Variants in ZMAT4 observed in about 807,000 individuals in gnomAD.
The protein encoded by ZMAT4 is zinc finger matrin-type protein 4.
In ZMAT4, 17 loss-of-function variants were observed where a neutral mutation model predicts 28.7. That is an observed-to-expected ratio of 0.59 (90% CI 0.41 to 0.89). The LOEUF (loss-of-function observed/expected upper bound fraction) is 0.89. Among genes scored for constraint, ZMAT4 ranks in the 40% least tolerant of loss-of-function variants. ZMAT4 has a pLI of 0.00. For synonymous variants in ZMAT4, 117 were observed against 109.2 expected (o/e 1.07, Z -0.44); for missense variants, 240 against 283.8 (o/e 0.85, Z 1.11).
chr8:40,731,640 G>A (rs1811547424), intron 3 of ZMAT4, among the ~76,000 whole-genome samples: 1 of 152,142 alleles, frequency 6.6e-6, no homozygotes, highest in Non-Finnish European at 1.5e-5. Flanking sequence ...AGCACCTGAT[G>A]GCAAATCTAT....
chr8:40,722,917 A>G (rs941402694), intron 3 of ZMAT4, among the ~76,000 whole-genome samples: 7 of 152,188 alleles, frequency 4.6e-5, no homozygotes, highest in Non-Finnish European at 8.8e-5. Flanking sequence ...TCTCAACACA[A>G]GAATGGCTCA....
intron 5 of ZMAT4, among the ~76,000 whole-genome samples, chr8:40,619,001 G>T (rs779155105): frequency 4.9e-4 from 75 of 152,334 alleles, no homozygotes; most frequent in Non-Finnish European, 9.0e-4. Context: ...CTCTGGGAGC[G>T]AGTGTAAAGG....
intron 5 of ZMAT4, among the ~76,000 whole-genome samples, chr8:40,597,463 G>A (rs1028897937): frequency 6.6e-6 from 1 of 152,190 alleles, no homozygotes; most frequent in Non-Finnish European, 1.5e-5. Context: ...CTGTGTGGGG[G>A]TCGCCCTCAG....
chr8:40,545,725 A>C (rs1309604121), intron 6 of ZMAT4, among the ~76,000 whole-genome samples: 1 of 152,132 alleles, frequency 6.6e-6, no homozygotes. Flanking sequence ...ACAACCTTGC[A>C]TATGCCTTGA....
chr8:40,539,423 A>G (rs1330992308), intron 6 of ZMAT4, among the ~76,000 whole-genome samples: 1 of 152,196 alleles, frequency 6.6e-6, no homozygotes, highest in Non-Finnish European at 1.5e-5. Flanking sequence ...TGTTGAAAGC[A>G]TCTATATCTC....
intron 1 of ZMAT4, among the ~76,000 whole-genome samples, chr8:40,827,806 C>A (rs1184998037): frequency 6.6e-6 from 1 of 152,214 alleles, no homozygotes; most frequent in African/African-American, 2.4e-5. Flanking sequence ...CCCCACAAGG[C>A]AACCTGTTCC....
At chr8:40,601,461 G>GA (rs1563359911) in intron 5 of ZMAT4, among the ~76,000 whole-genome samples, 3 of 54,410 alleles carry the variant, frequency 5.5e-5, no homozygotes, top group East Asian at 6.7e-4. Flanking sequence ...AGGAAGGGAG[G>GA]AAGAAAGGAA....
intron 5 of ZMAT4, among the ~76,000 whole-genome samples, chr8:40,629,114 C>A (rs1473854765): frequency 2.0e-5 from 3 of 151,198 alleles, no homozygotes; most frequent in African/African-American, 7.3e-5. Context: ...ATGATTCGAC[C>A]TCTATCTTAT....
In ZMAT4 at chr8:40,763,421, C is replaced by T. The variant is rs4129324; in HGVS notation, c.192+4220G>A. 7.1e-3 allele frequency among the ~76,000 whole-genome samples: 1,083 copies of T among 152,286 alleles called. 12 individuals are homozygous for T. The highest frequency in any genetic ancestry group is 0.025 in the African/African-American group (1,027 of 41,550). On this transcript the variant is annotated intron_variant, in intron 3 of 6. Transcript: ENST00000297737. ...AAGTGGGGACAGTGACAACTCCTGC[C>T]TTCTCCAGGGCTTGTGAAGATGAAA...
At chr8:40,822,334 T>C (rs1469900531) in intron 2 of ZMAT4, among the ~76,000 whole-genome samples, 2 of 152,240 alleles carry the variant, frequency 1.3e-5, no homozygotes, top group Non-Finnish European at 2.9e-5. Context: ...CAGTGGATTC[T>C]CACTGATTTG....
At chr8:40,667,963 G>A (rs1474952544) in intron 5 of ZMAT4, among the ~76,000 whole-genome samples, 1 of 152,112 alleles carries the variant, frequency 6.6e-6, no homozygotes, top group East Asian at 1.9e-4. Flanking sequence ...TATTGAAAAT[G>A]CAGCTTTTAT....
At chr8:40,632,452 C>A (rs573983162) in intron 5 of ZMAT4, among the ~76,000 whole-genome samples, 6 of 152,080 alleles carry the variant, frequency 3.9e-5, no homozygotes, top group African/African-American at 1.4e-4. Context: ...ATAGGGACTC[C>A]CAGAGGATAT....
At chr8:40,845,806 G>A (rs943160563) in intron 1 of ZMAT4, among the ~76,000 whole-genome samples, 1 of 70,920 alleles carries the variant, frequency 1.4e-5, no homozygotes, top group African/African-American at 3.2e-5. Context: ...AAGAGAGAGA[G>A]ACTAAGGGTG....
At chr8:40,582,879 C>T (rs1241979477) in intron 5 of ZMAT4, among the ~76,000 whole-genome samples, 2 of 152,102 alleles carry the variant, frequency 1.3e-5, no homozygotes, top group East Asian at 1.9e-4. Context: ...TTTGAGTGTC[C>T]AGTTGAAGCC....
rs201101097 is a variant in ZMAT4 at position 40,810,044 on chromosome 8, AAAAC to A, written c.102+15527_102+15530del. 3.1e-3 allele frequency among the ~76,000 whole-genome samples: 475 copies of A among 152,264 alleles called. 5 individuals are homozygous for A. The East Asian group carries it at 0.054, about 17-fold the overall frequency. Reference sequence around the variant, plus strand: ...TGTGACAAGAGCTAAACTCCGTCTTAAAACAAACAAACAAACAAACAAAATATAT... The same window carrying A: ...TGTGACAAGAGCTAAACTCCGTCTTAAAACAAACAAACAAACAAAATATAT... On this transcript the variant is annotated intron_variant, in intron 2 of 6. Transcript: ENST00000297737.
At chr8:40,786,529 T>G (rs886175795) in intron 2 of ZMAT4, among the ~76,000 whole-genome samples, 1 of 152,302 alleles carries the variant, frequency 6.6e-6, no homozygotes, top group African/African-American at 2.4e-5. Context: ...CCTCCTTAAG[T>G]AATCTGGAAT....
intron 5 of ZMAT4, among the ~76,000 whole-genome samples, chr8:40,668,468 C>CAAAAA (rs71224843): frequency 2.5e-4 from 21 of 84,944 alleles, no homozygotes; most frequent in Non-Finnish European, 3.9e-4. Flanking sequence ...GACTTTGTCT[C>CAAAAA]AAAAAAAAAA....
rs1289104438 is a variant in ZMAT4 at position 40,862,571 on chromosome 8, A to T, written c.-5+35112T>A. ...TGTACCCTAAAACTTAGAGTATAAT[A>T]AAAAAAAAAAATTAAAAAAAAAAAA... On this transcript the variant is annotated intron_variant, in intron 1 of 6. Coordinates refer to ENST00000297737, the MANE Select transcript of ZMAT4 (RefSeq NM_024645.3). Among the ~76,000 whole-genome samples the T allele has an allele frequency of 3.1e-3, 186 of 59,362 alleles. 1 individual carries two copies. The highest frequency in any genetic ancestry group is 0.01 in the Middle Eastern group (1 of 96). 38.9% of individuals were successfully genotyped at this position (59,362 alleles called of 152,430 possible). A position where few individuals can be genotyped will look rare whatever the true frequency, so the allele number is the denominator to read the frequency against.
intron 3 of ZMAT4, among the ~76,000 whole-genome samples, chr8:40,747,145 T>G (rs1481052173): frequency 1.3e-5 from 2 of 152,244 alleles, no homozygotes; most frequent in African/African-American, 2.4e-5. Flanking sequence ...TGGATAATGA[T>G]TTCATGATAA....
Sources: allele counts gnomAD v4.1 joint callset (sites outside exome capture counted in the v4.1 genomes callset), GRCh38; gene constraint gnomAD v4.1.1; transcripts MANE v1.5; gene names NCBI Gene and HGNC (gene_info 2026-07-23, HGNC 2026-07-21).